The following CNTLN variants were observed in gnomAD, a reference collection of about 807,000 sequenced individuals.
CNTLN encodes centlein, centrosomal protein.
Under a neutral mutation model 180.0 loss-of-function variants are expected in CNTLN, and 212 were observed. The observed-to-expected ratio is 1.18, with a 90% CI of 1.05 to 1.32. CNTLN has a LOEUF of 1.32. CNTLN is among the 40% of genes most tolerant of loss of function. The pLI, the probability that CNTLN is intolerant of heterozygous loss-of-function variation, is 0.00. For missense variants in CNTLN, 2,095 were observed against 1,610.9 expected, an observed-to-expected ratio of 1.30 and a Z score of -5.14; for synonymous variants, 722 against 563.1, an observed-to-expected ratio of 1.28 and a Z score of -3.99.
At chr9:17,269,006 C>T (rs1827731013) in intron 5 of CNTLN, among the ~76,000 whole-genome samples, 1 of 152,098 alleles carries the variant, frequency 6.6e-6, no homozygotes, top group South Asian at 2.1e-4. Flanking sequence ...CCATGCCTCG[C>T]CCTGCTCTGG....
At chr9:17,157,782 G>A (rs1819402734) in intron 2 of CNTLN, among the ~76,000 whole-genome samples, 1 of 152,166 alleles carries the variant, frequency 6.6e-6, no homozygotes, top group African/African-American at 2.4e-5. Flanking sequence ...TTGTGAATAA[G>A]TATAAGAAAA....
chr9:17,337,251 C>T (rs1013959008), intron 10 of CNTLN, among the ~76,000 whole-genome samples: 2 of 151,998 alleles, frequency 1.3e-5, no homozygotes, highest in African/African-American at 4.8e-5. Flanking sequence ...TTTTTCCATT[C>T]TGTAGGTTGC....
At chr9:17,296,757 T>A (rs1817969036) in intron 6 of CNTLN, among the ~76,000 whole-genome samples, 1 of 152,184 alleles carries the variant, frequency 6.6e-6, no homozygotes, top group South Asian at 2.1e-4. Context: ...TTTCTGCATG[T>A]TTCAGTTTTT....
chr9:17,267,169 G>C (rs1441326317), intron 5 of CNTLN, among the ~76,000 whole-genome samples: 1 of 152,022 alleles, frequency 6.6e-6, no homozygotes, highest in Non-Finnish European at 1.5e-5. Context: ...TTTTGCAGTG[G>C]CTGGTACCGG....
intron 1 of CNTLN, among the ~76,000 whole-genome samples, chr9:17,140,416 A>G (rs185115239): frequency 1.3e-5 from 2 of 152,232 alleles, no homozygotes; most frequent in Admixed American, 1.3e-4. Context: ...TCACAAAAAA[A>G]TGGTGGGTGT....
intron 6 of CNTLN, among the ~76,000 whole-genome samples, chr9:17,282,406 C>T (rs543835878): frequency 1.3e-5 from 2 of 152,180 alleles, no homozygotes; most frequent in East Asian, 1.9e-4. Context: ...AGTGTCTGTT[C>T]GTGTCCTTTG....
At chr9:17,525,760 T>C in the CNTLN span, among the ~76,000 whole-genome samples, 1 of 152,134 alleles carries the variant, frequency 6.6e-6, no homozygotes, top group Non-Finnish European at 1.5e-5. Flanking sequence ...CATAGAGAAA[T>C]GACTGAATTC....
At chr9:17,383,278 C>G (rs1460426580) in intron 13 of CNTLN, among the ~76,000 whole-genome samples, 1 of 151,848 alleles carries the variant, frequency 6.6e-6, no homozygotes, top group Non-Finnish European at 1.5e-5. Context: ...ACTGTAATCC[C>G]AAGATTTTGA....
chr9:17,523,691 T>C, the CNTLN span, among the ~76,000 whole-genome samples: 1 of 152,232 alleles, frequency 6.6e-6, no homozygotes, highest in African/African-American at 2.4e-5. Context: ...ACTTCAGCCA[T>C]GTACAATCCT....
At chr9:17,352,156 T>G (rs965073203) in intron 12 of CNTLN, among the ~76,000 whole-genome samples, 1 of 152,028 alleles carries the variant, frequency 6.6e-6, no homozygotes, top group Non-Finnish European at 1.5e-5. Context: ...CAATGATCTT[T>G]TGGTCATTTT....
chr9:17,146,241 T>G (rs1818452564), intron 2 of CNTLN, among the ~76,000 whole-genome samples: 1 of 152,240 alleles, frequency 6.6e-6, no homozygotes, highest in Non-Finnish European at 1.5e-5. Context: ...GTTTTAGCAC[T>G]CTGTTAGAGG....
chr9:17,465,546 A>ATG (rs1831698110), intron 21 of CNTLN, among the ~76,000 whole-genome samples: 1 of 149,540 alleles, frequency 6.7e-6, no homozygotes, highest in African/African-American at 2.4e-5. Context: ...TAAATAAGCT[A>ATG]TATATATATA....
At chr9:17,275,227 C>G (rs759981043) in intron 6 of CNTLN, among the ~76,000 whole-genome samples, 8 of 152,012 alleles carry the variant, frequency 5.3e-5, no homozygotes, top group Non-Finnish European at 8.8e-5. Flanking sequence ...TTCAAGACTG[C>G]TATTTTCATT....
intron 6 of CNTLN, among the ~76,000 whole-genome samples, chr9:17,274,481 C>G (rs887161529): frequency 2.1e-5 from 3 of 145,994 alleles, no homozygotes; most frequent in African/African-American, 7.7e-5. Context: ...ATCTATCTAT[C>G]TATCTATCTA....
chr9:17,286,955 G>A (rs1829021895), intron 6 of CNTLN, among the ~76,000 whole-genome samples: 6 of 132,482 alleles, frequency 4.5e-5, no homozygotes, highest in African/African-American at 1.5e-4. Flanking sequence ...TCTGCAAACA[G>A]GGACAATTTG....
chr9:17,491,003 T>C lies in CNTLN; in HGVS notation c.4119+3937T>C, dbSNP rs1233531813. On this transcript the variant is annotated intron_variant, in intron 25 of 25. Coordinates refer to ENST00000380647, the MANE Select transcript of CNTLN (RefSeq NM_017738.4). Reference sequence around the variant, plus strand: ...TGTACTACCTTTATATTCTAATTGGTCTTACCTGTTCACATATCCAAACAA... The same window carrying C: ...TGTACTACCTTTATATTCTAATTGGCCTTACCTGTTCACATATCCAAACAA... 4.6e-5 allele frequency among the ~76,000 whole-genome samples: 7 copies of C among 152,204 alleles called. No homozygotes were observed. In the East Asian group the frequency reaches 7.7e-4, roughly 17 times the overall value.
At chr9:17,457,350 A>G (rs1018877155) in intron 18 of CNTLN, among the ~76,000 whole-genome samples, 174 bp from the exon 19 acceptor site, 5 of 152,128 alleles carry the variant, frequency 3.3e-5, no homozygotes, top group Non-Finnish European at 7.4e-5. Context: ...CCATACTACT[A>G]TAAGCAAAAT....
chr9:17,456,664 A>T (rs1439333345), intron 18 of CNTLN, among the ~76,000 whole-genome samples: 2 of 152,128 alleles, frequency 1.3e-5, no homozygotes, highest in Admixed American at 1.3e-4. Context: ...GAGAGATTTC[A>T]GTATCATTTT....
intron 12 of CNTLN, among the ~76,000 whole-genome samples, chr9:17,361,171 A>G (rs983886293): frequency 7.2e-5 from 11 of 152,134 alleles, no homozygotes; most frequent in Non-Finnish European, 1.5e-4. Context: ...TTAACTCCTC[A>G]TTTAGCATTA....
Sources: allele counts gnomAD v4.1 joint callset (sites outside exome capture counted in the v4.1 genomes callset), GRCh38; gene constraint gnomAD v4.1.1; transcripts MANE v1.5; gene names NCBI Gene and HGNC (gene_info 2026-07-23, HGNC 2026-07-21).